Variants in MPZL2 observed in about 807,000 individuals in gnomAD.
The protein encoded by MPZL2 is myelin protein zero-like protein 2.
Under a neutral mutation model 24.5 loss-of-function variants are expected in MPZL2, and 32 were observed. The ratio of observed to expected loss-of-function variants is 1.31; its 90% CI spans 0.99 to 1.76. MPZL2 has a LOEUF of 1.76. Among genes scored for constraint, MPZL2 ranks in the 40% most tolerant of loss-of-function variants. The probability of loss-of-function intolerance (pLI) is 0.00; values close to 1 mark genes in which losing one functional copy is unlikely to be tolerated. For missense variants in MPZL2, 304 were observed against 274.9 expected, an observed-to-expected ratio of 1.11 and a Z score of -0.75; for synonymous variants, 92 against 97.9, an observed-to-expected ratio of 0.94 and a Z score of 0.36.
rs977741779 is a variant in MPZL2, at chr11:118,262,916, T to C, written c.225+15A>G. On this transcript the variant is annotated intron_variant, in intron 2 of 5. Transcript: ENST00000278937. ...TAAACAAGAGTACCCTGGAAAATGATGATAATCTACTTACAAACTGCTCAG... is the reference window on the plus strand; with the variant it reads ...TAAACAAGAGTACCCTGGAAAATGACGATAATCTACTTACAAACTGCTCAG... The C allele has an allele frequency of 6.2e-7, 1 of 1,611,298 alleles. No individual in the cohort carries two copies. The highest frequency in any genetic ancestry group is 1.3e-5 in the African/African-American group (1 of 74,736).
In MPZL2 at chr11:118,253,986, T is replaced by C. The variant is rs578183962; in HGVS notation, c.*1260A>G. On this transcript the variant is annotated 3_prime_UTR_variant, in exon 6 of 6. Coordinates refer to ENST00000278937, the MANE Select transcript of MPZL2 (RefSeq NM_005797.4). ...TCCAGTCGATTAAAAACTGAAAATA[T>C]CAATCTGTAAAGATTGATCTTGAGC... is the stretch of plus-strand genomic sequence containing the variant. 6.5e-5 allele frequency: 10 copies of C among 152,690 alleles called. 1 individual carries two copies. In the East Asian group the frequency reaches 1.9e-3, roughly 29 times the overall value. 9.5% of individuals were successfully genotyped at this position (152,690 alleles called of 1,614,324 possible).
chr11:118,256,424 C>T (rs1949660398), intron 5 of MPZL2, among the ~76,000 whole-genome samples: 1 of 152,094 alleles, frequency 6.6e-6, no homozygotes, highest in Admixed American at 6.5e-5. Context: ...GAGGCTGAGG[C>T]AGGTGGATCG....
intron 5 of MPZL2, 163 bp downstream of exon 5, chr11:118,257,075 C>G: frequency 2.1e-6 from 1 of 479,348 alleles, no homozygotes; most frequent in South Asian, 4.0e-5. Context: ...GAGGAGCTAT[C>G]CATAAGACTA....
At position 118,262,453 on chromosome 11, in the gene MPZL2, T is replaced by C; in HGVS notation, c.421A>G (p.Ser141Gly). The stretch of plus-strand genomic sequence containing the variant: ...CATAACCTACCAGTGTGCACGACGC[T>C]GAGCCGGATCTCCCCTATCACCCCA... ...VDGVIGEIRLSVVHTVRFSEI... is the reference protein window; with the variant it reads ...VDGVIGEIRLGVVHTVRFSEI... Residue 141 changes from serine (S) to glycine (G), a missense_variant, in exon 3 of 6, where the codon AGC (serine) becomes GGC (glycine). Coordinates refer to ENST00000278937, the MANE Select transcript of MPZL2 (RefSeq NM_005797.4). The C allele has an allele frequency of 6.2e-7, 1 of 1,614,012 alleles. No individual in the cohort carries two copies. The highest frequency in any genetic ancestry group is 8.5e-7 in the Non-Finnish European group (1 of 1,180,024).
chr11:118,263,970 G>C, intron 1 of MPZL2, 126 bp downstream of exon 1: 1 of 1,028,772 alleles, frequency 9.7e-7, no homozygotes, highest in Non-Finnish European at 1.5e-6. Context: ...AAAACCCAAA[G>C]TAAAACAAAC....
chr11:118,260,193 A>G lies in MPZL2; in HGVS notation c.445T>C (p.Ser149Pro). 1.2e-6 allele frequency: 2 copies of G among 1,613,944 alleles called. No homozygotes were observed. Among genetic ancestry groups the G allele is most frequent in the Non-Finnish European group, 1.7e-6 (2 of 1,179,898 alleles). ...RLSVVHTVRF[S>P]EIHFLALAIG... ...GCCAGAGCCAGGAAGTGGATCTCAG[A>G]GAAGCGTACTGTAAGGAGAAAAAGA... is the stretch of plus-strand genomic sequence containing the variant. Residue 149 changes from serine to proline, a missense_variant, in exon 4 of 6, where the codon TCT (serine) becomes CCT (proline). Transcript: ENST00000278937.
chr11:118,263,160 T>C, intron 1 of MPZL2, 63 bp from the exon 2 acceptor site: 1 of 1,494,622 alleles, frequency 6.7e-7, no homozygotes, highest in Non-Finnish European at 9.1e-7. Flanking sequence ...GAACTTCTGC[T>C]GACACTTCCA....
At chr11:118,259,275 C>T (rs1358322843) in intron 4 of MPZL2, 1 of 152,066 alleles carries the variant, frequency 6.6e-6, no homozygotes, top group Non-Finnish European at 1.5e-5. Context: ...AAATGCCCAT[C>T]AATTGAATGG....
Position 118,254,067 on chromosome 11 carries a change from G to A in MPZL2, c.*1179C>T, listed in dbSNP as rs1173822833. The A allele has an allele frequency of 6.6e-6, 1 of 152,358 alleles. No individual in the cohort carries two copies. Among genetic ancestry groups the A allele is most frequent in the East Asian group, 1.9e-4 (1 of 5,192 alleles). 9.4% of individuals were successfully genotyped at this position (152,358 alleles called of 1,614,324 possible). A position where few individuals can be genotyped will look rare whatever the true frequency, so the allele number is the denominator to read the frequency against. On this transcript the variant is annotated 3_prime_UTR_variant, in exon 6 of 6. Coordinates refer to ENST00000278937, the MANE Select transcript of MPZL2 (RefSeq NM_005797.4). ...ACAAATGCTTCTGTATCTTAAGCTTGTAACTTTTCTTTCAATAGCCCACTT... is the reference window on the plus strand; with the variant it reads ...ACAAATGCTTCTGTATCTTAAGCTTATAACTTTTCTTTCAATAGCCCACTT...
intron 1 of MPZL2, among the ~76,000 whole-genome samples, chr11:118,263,875 CCTGAATCACTGGCAG>C (rs1408104298): frequency 1.3e-5 from 2 of 152,088 alleles, no homozygotes; most frequent in African/African-American, 4.8e-5. Flanking sequence ...CCTCTCTGTG[CCTGAATCACTGGCAG>C]CTGAACACAC....
chr11:118,263,076 A>G lies in MPZL2; in HGVS notation c.80T>C (p.Val27Ala). 1 of 1,614,102 alleles carries G rather than the reference A, an allele frequency of 6.2e-7. No individual in the cohort carries two copies. Among genetic ancestry groups the G allele is most frequent in the Non-Finnish European group, 8.5e-7 (1 of 1,180,000 alleles). ...QLTALWPIAA[V>A]EIYTSRVLEA... The stretch of plus-strand genomic sequence containing the variant: ...CAGCACCCGGGAGGTATAAATTTCC[A>G]CAGCTGCTATAGGCCAAAGAGCTGC... Residue 27 changes from valine (V) to alanine (A), a missense_variant, in exon 2 of 6, where the codon GTG (valine) becomes GCG (alanine). By Grantham distance (64) the Val-to-Ala change is moderately conservative. Transcript: ENST00000278937.
chr11:118,259,974 C>G lies in MPZL2; in HGVS notation c.584+80G>C. ...TTACTTAAAGGGAAAAACATCTGTTCAGCAACTATTTAGCCCACTGCAAAA... is the reference window on the plus strand; with the variant it reads ...TTACTTAAAGGGAAAAACATCTGTTGAGCAACTATTTAGCCCACTGCAAAA... On this transcript the variant is annotated intron_variant, in intron 4 of 5. Transcript: ENST00000278937. 4.7e-6 allele frequency: 7 copies of G among 1,501,462 alleles called. No individual in the cohort carries two copies. The South Asian group carries it at 8.8e-5, about 19-fold the overall frequency. 93.0% of individuals were successfully genotyped at this position (1,501,462 alleles called of 1,614,324 possible). A position where few individuals can be genotyped will look rare whatever the true frequency, so the allele number is the denominator to read the frequency against.
Position 118,264,211 on chromosome 11 carries a change from C to A in MPZL2, c.-58G>T, listed in dbSNP as rs1056194368. ...ACGGGGCAGACCGAGGGCTCCAACA[C>A]CCTGCCAAGGCCACTCCGGGAGGAG... On this transcript the variant is annotated 5_prime_UTR_variant, in exon 1 of 6. Transcript: ENST00000278937. 6.4e-7 allele frequency: 1 copy of A among 1,566,268 alleles called. No individual in the cohort carries two copies. The highest frequency in any genetic ancestry group is 8.8e-7 in the Non-Finnish European group (1 of 1,137,466).
intron 5 of MPZL2, among the ~76,000 whole-genome samples, chr11:118,255,800 T>C (rs1024822970): frequency 2.6e-5 from 4 of 152,182 alleles, no homozygotes; most frequent in African/African-American, 9.7e-5. Flanking sequence ...CTAACAATAA[T>C]TCCCTAATAT....
At chr11:118,257,195 T>C in intron 5 of MPZL2, 43 bp downstream of exon 5, 2 of 1,444,204 alleles carry the variant, frequency 1.4e-6, no homozygotes, top group South Asian at 1.2e-5. Context: ...GCTGGACATG[T>C]CAGAAAGCTG....
chr11:118,262,723 T>C (rs1252378421), intron 2 of MPZL2, 75 bp from the exon 3 acceptor site: 7 of 1,485,170 alleles, frequency 4.7e-6, no homozygotes, highest in Non-Finnish European at 6.5e-6. Flanking sequence ...GGAGCGGAAG[T>C]GAAACACCAG....
intron 4 of MPZL2, chr11:118,259,801 A>G: frequency 2.8e-6 from 1 of 361,840 alleles, no homozygotes; most frequent in Non-Finnish European, 5.0e-6. Flanking sequence ...GAAAAGCTTT[A>G]CATAGCACAT....
chr11:118,263,952 GT>G (rs1291382541), intron 1 of MPZL2, 143 bp downstream of exon 1: 2 of 828,892 alleles, frequency 2.4e-6, no homozygotes, highest in Non-Finnish European at 3.9e-6. Flanking sequence ...ACCAACTTTG[GT>G]TTCAGTAAAA....
At chr11:118,263,296 A>C (rs1949716663) in intron 1 of MPZL2, 199 bp from the exon 2 acceptor site, 1 of 548,968 alleles carries the variant, frequency 1.8e-6, no homozygotes, top group Non-Finnish European at 3.2e-6. Flanking sequence ...TCCATGTGAC[A>C]ACTAAACTAC....
Sources: allele counts gnomAD v4.1 joint callset (sites outside exome capture counted in the v4.1 genomes callset), GRCh38; gene constraint gnomAD v4.1.1; transcripts MANE v1.5; gene names NCBI Gene and HGNC (gene_info 2026-07-23, HGNC 2026-07-21).